The following CTNND2 variants were observed in gnomAD, a reference collection of about 807,000 sequenced individuals.
CTNND2 encodes the protein catenin delta 2.
A neutral mutation model predicts 144.4 loss-of-function variants in CTNND2; 22 were observed. That is an observed-to-expected ratio of 0.15 (90% CI 0.11 to 0.22). The LOEUF (loss-of-function observed/expected upper bound fraction) is 0.22. Ranked by LOEUF, CTNND2 falls within the 10% of genes least tolerant of loss-of-function variation. The probability of loss-of-function intolerance (pLI) is 1.00; values close to 1 mark genes in which losing one functional copy is unlikely to be tolerated. For synonymous variants in CTNND2, 751 were observed against 695.6 expected, an observed-to-expected ratio of 1.08 and a Z score of -1.25; for missense variants, 1,353 against 1,618.8, an observed-to-expected ratio of 0.84 and a Z score of 2.82.
intron 1 of CTNND2, among the ~76,000 whole-genome samples, chr5:11,741,334 A>G (rs1208388586): frequency 6.6e-6 from 1 of 152,212 alleles, no homozygotes; most frequent in Non-Finnish European, 1.5e-5. Context: ...TCCATCAATG[A>G]TAGACTGGAT....
chr5:11,633,122 A>T (rs1314930486), intron 2 of CTNND2, among the ~76,000 whole-genome samples: 5 of 152,242 alleles, frequency 3.3e-5, no homozygotes, highest in Non-Finnish European at 5.9e-5. Context: ...TCAATGGGAA[A>T]CATTAACCTT....
intron 16 of CTNND2, among the ~76,000 whole-genome samples, chr5:11,077,093 C>T (rs754494325): frequency 5.3e-5 from 8 of 151,852 alleles, no homozygotes; most frequent in South Asian, 2.1e-4. Flanking sequence ...TTTAAGATGA[C>T]GACAAGCAGG....
At position 10,973,630 on chromosome 5, in the gene CTNND2, G is replaced by A. The variant is rs1390038113; in HGVS notation, c.3501C>T (p.Tyr1167=). The change falls in exon 22 of 22, where the codon TAC becomes TAT. Residue 1167 remains tyrosine, a synonymous_variant. Transcript: ENST00000304623. The surrounding 1 kb of genome is among the most constrained non-coding windows in gnomAD (Gnocchi z 5.6). ...YQPFQNSTRN[Y]DESFFEDQVH... ...CCTGGTCCTCGAAGAAGGACTCATC[G>A]TAATTTCTTGTGGAATTCTGAAATG... The A allele has an allele frequency of 9.9e-6, 16 of 1,614,152 alleles. No homozygotes were observed. In the East Asian group the frequency reaches 1.3e-4, roughly 13 times the overall value.
chr5:11,070,527 G>T (rs565085212), intron 16 of CTNND2, among the ~76,000 whole-genome samples: 2 of 152,230 alleles, frequency 1.3e-5, no homozygotes, highest in Admixed American at 1.3e-4. Flanking sequence ...TTCCCAGAAG[G>T]ACAGGAAAGT....
chr5:11,699,140 G>A (rs887211166), intron 2 of CTNND2, among the ~76,000 whole-genome samples: 9 of 151,938 alleles, frequency 5.9e-5, no homozygotes, highest in African/African-American at 1.7e-4. Flanking sequence ...CAATTCTATC[G>A]AATGAGTAGC....
At chr5:11,519,611 T>C (rs1561506449) in intron 3 of CTNND2, among the ~76,000 whole-genome samples, 3 of 151,898 alleles carry the variant, frequency 2.0e-5, no homozygotes, top group South Asian at 4.2e-4. Flanking sequence ...CAAAACAAGA[T>C]ACTGTTTAAT....
At chr5:11,338,188 C>T (rs569838221) in intron 9 of CTNND2, among the ~76,000 whole-genome samples, 68 of 152,240 alleles carry the variant, frequency 4.5e-4, no homozygotes, top group African/African-American at 1.5e-3. Flanking sequence ...GAGAAGGAGG[C>T]GAACATGTGA....
intron 2 of CTNND2, among the ~76,000 whole-genome samples, chr5:11,593,033 T>A (rs1055767542): frequency 2.0e-5 from 3 of 151,204 alleles, no homozygotes; most frequent in Non-Finnish European, 4.4e-5. Flanking sequence ...TGAAAAAAAA[T>A]GCAACGTGAC....
At chr5:10,983,103 C>A (rs1737504923) in intron 20 of CTNND2, among the ~76,000 whole-genome samples, 1 of 151,514 alleles carries the variant, frequency 6.6e-6, no homozygotes, top group East Asian at 1.9e-4. Flanking sequence ...CATAGGGCAA[C>A]CATAATTCAC....
chr5:11,041,244 A>T (rs1744666096), intron 16 of CTNND2, among the ~76,000 whole-genome samples: 1 of 152,224 alleles, frequency 6.6e-6, no homozygotes, highest in African/African-American at 2.4e-5. Context: ...GGTTTTCTTC[A>T]TATGCTGTTA....
chr5:11,023,079 C>A, intron 16 of CTNND2, 100 bp from the exon 17 acceptor site: 1 of 993,038 alleles, frequency 1.0e-6, no homozygotes, highest in Non-Finnish European at 1.5e-6. Context: ...CGAGAGGCCA[C>A]GTTTATGCAA....
At chr5:11,063,940 T>C (rs1747276458) in intron 16 of CTNND2, among the ~76,000 whole-genome samples, 1 of 152,144 alleles carries the variant, frequency 6.6e-6, no homozygotes, top group African/African-American at 2.4e-5. Flanking sequence ...GACACAGGCA[T>C]CCTCCAGCCT....
At chr5:11,191,453 C>T (rs777112760) in intron 11 of CTNND2, among the ~76,000 whole-genome samples, 2 of 152,162 alleles carry the variant, frequency 1.3e-5, no homozygotes, top group East Asian at 1.9e-4. Context: ...AAGAAACCAC[C>T]TCATATAAGA....
chr5:10,996,151 A>T lies in CTNND2; in HGVS notation c.3085-3474T>A, dbSNP rs10051353. Among the ~76,000 whole-genome samples, 3 of 152,086 alleles carry T rather than the reference A, an allele frequency of 2.0e-5. No individual in the cohort carries two copies. The East Asian group carries it at 5.8e-4, about 29-fold the overall frequency. ...TCCGTGTGTGCCTCTCTCCAGCCAC[A>T]GTCAGCTGCCCTAGGGCAGGTGTGG... On this transcript the variant is annotated intron_variant, in intron 18 of 21. Coordinates refer to ENST00000304623, the MANE Select transcript of CTNND2 (RefSeq NM_001332.4).
rs1180022083 is a variant in CTNND2, at chr5:11,159,814, CA to C, written c.1976-56del. On this transcript the variant is annotated intron_variant, in intron 11 of 21. Coordinates refer to ENST00000304623, the MANE Select transcript of CTNND2 (RefSeq NM_001332.4). ...GGTGGCCACAAGTTTTTCTCATCTC[CA>C]AAACTGTCTTCCTTATTTGAGTTAA... 3 of 1,384,382 alleles carry C rather than the reference CA, an allele frequency of 2.2e-6. No homozygotes were observed. The African/African-American group carries it at 4.4e-5, about 20-fold the overall frequency. 85.8% of individuals were successfully genotyped at this position (1,384,382 alleles called of 1,614,324 possible).
At chr5:11,454,187 C>T (rs886138302) in intron 3 of CTNND2, among the ~76,000 whole-genome samples, 50 of 152,232 alleles carry the variant, frequency 3.3e-4, no homozygotes, top group African/African-American at 1.1e-3. Flanking sequence ...TTGGAGAGGC[C>T]GAGGCGGGCG....
intron 1 of CTNND2, among the ~76,000 whole-genome samples, chr5:11,817,981 GTTTTTT>G (rs35360011): frequency 6.3e-5 from 2 of 31,868 alleles, no homozygotes; most frequent in Non-Finnish European, 1.5e-4. Context: ...ATTATGAGGT[GTTTTTT>G]TTTTTTTTTT....
intron 2 of CTNND2, among the ~76,000 whole-genome samples, chr5:11,702,994 A>G (rs1785524245): frequency 6.6e-6 from 1 of 152,156 alleles, no homozygotes. Flanking sequence ...AAACATGGCA[A>G]TGGGAGAATA....
At chr5:11,477,897 C>T (rs1453529731) in intron 3 of CTNND2, among the ~76,000 whole-genome samples, 1 of 152,126 alleles carries the variant, frequency 6.6e-6, no homozygotes, top group Admixed American at 6.6e-5. Flanking sequence ...TCCTGTACTG[C>T]GTATCTGATT....
Sources: gnomAD v4.1 joint callset for allele counts (sites outside exome capture counted in the v4.1 genomes callset) on GRCh38, gnomAD v4.1.1 for gene constraint, Gnocchi (gnomAD v3.1) non-coding constraint, MANE v1.5 for transcripts, NCBI Gene and HGNC (gene_info 2026-07-23, HGNC 2026-07-21) for gene names.